Variants in FRS2 observed in about 807,000 individuals in gnomAD.
FRS2 encodes fibroblast growth factor receptor substrate 2.
A neutral mutation model predicts 43.9 loss-of-function variants in FRS2; 8 were observed. The observed-to-expected ratio is 0.18, with a 90% CI of 0.11 to 0.33. The LOEUF is 0.33. FRS2 is among the 10% of genes least tolerant of loss of function. The pLI is 1.00. For missense variants in FRS2, 534 were observed against 627.6 expected, an observed-to-expected ratio of 0.85 and a Z score of 1.59; for synonymous variants, 219 against 220.3, an observed-to-expected ratio of 0.99 and a Z score of 0.05.
At chr12:69,529,452 C>T (rs746881957) in intron 1 of FRS2, among the ~76,000 whole-genome samples, 8 of 151,682 alleles carry the variant, frequency 5.3e-5, no homozygotes, top group African/African-American at 7.3e-5. Flanking sequence ...GGTGAAACCT[C>T]GTCTCTACTA....
chr12:69,548,067 G>A (rs115591976), intron 3 of FRS2, among the ~76,000 whole-genome samples: 2,306 of 151,928 alleles, frequency 0.015, 62 homozygotes, highest in African/African-American at 0.052. Context: ...TGCCCAGGCT[G>A]GTCTTAAACT....
chr12:69,572,563 A>G (rs969914229), intron 8 of FRS2, among the ~76,000 whole-genome samples: 2 of 152,176 alleles, frequency 1.3e-5, no homozygotes, highest in Admixed American at 1.3e-4. Context: ...CCATTATAAG[A>G]ATGTCCAATG....
chr12:69,511,682 A>G (rs949123330), intron 1 of FRS2, among the ~76,000 whole-genome samples: 2 of 152,132 alleles, frequency 1.3e-5, no homozygotes, highest in African/African-American at 4.8e-5. Context: ...TAAACTGCTC[A>G]TATCCGTGTT....
At chr12:69,484,285 C>T (rs1402836945) in intron 1 of FRS2, among the ~76,000 whole-genome samples, 1 of 152,046 alleles carries the variant, frequency 6.6e-6, no homozygotes, top group Non-Finnish European at 1.5e-5. Context: ...GGGGTTTCAC[C>T]ATGTTAGCCA....
chr12:69,477,258 A>G (rs1011175794), intron 1 of FRS2, among the ~76,000 whole-genome samples: 1 of 149,070 alleles, frequency 6.7e-6, no homozygotes, highest in Non-Finnish European at 1.5e-5. Flanking sequence ...GCATGTCGAC[A>G]GTATTTTAAA....
chr12:69,488,690 T>G (rs1872180748), intron 1 of FRS2, among the ~76,000 whole-genome samples: 1 of 152,224 alleles, frequency 6.6e-6, no homozygotes, highest in Non-Finnish European at 1.5e-5. Context: ...CCATAATAAC[T>G]TTAAAAAATA....
At chr12:69,555,953 G>C (rs2135753139) in intron 3 of FRS2, among the ~76,000 whole-genome samples, 1 of 151,588 alleles carries the variant, frequency 6.6e-6, no homozygotes, top group South Asian at 2.1e-4. Context: ...GTTTGTTTTG[G>C]GGGTTATAGT....
At chr12:69,551,816 C>G (rs1878895702) in intron 3 of FRS2, among the ~76,000 whole-genome samples, 1 of 152,076 alleles carries the variant, frequency 6.6e-6, no homozygotes, top group South Asian at 2.1e-4. Flanking sequence ...AAAGATGGTC[C>G]AAACAACTTT....
chr12:69,570,997 G>T (rs1213543431), intron 6 of FRS2, among the ~76,000 whole-genome samples: 1 of 152,174 alleles, frequency 6.6e-6, no homozygotes, highest in East Asian at 1.9e-4. Flanking sequence ...GGCTCCCCCT[G>T]CTGTTAAGAA....
At chr12:69,572,050 G>A (rs186401509) in intron 7 of FRS2, 68 bp from the exon 8 acceptor site, 5 of 1,226,768 alleles carry the variant, frequency 4.1e-6, no homozygotes, top group South Asian at 2.7e-5. Context: ...GTACAGATTC[G>A]ATTCTTACTC....
chr12:69,557,635 CGCAGGTGCAT>C (rs1157628840), intron 3 of FRS2, among the ~76,000 whole-genome samples: 1 of 135,556 alleles, frequency 7.4e-6, no homozygotes, highest in Admixed American at 7.1e-5. Context: ...CGCGCGCGCG[CGCAGGTGCAT>C]GCACGCTAGG....
At chr12:69,520,376 G>GTTT (rs112572825) in intron 1 of FRS2, among the ~76,000 whole-genome samples, 1,953 of 110,002 alleles carry the variant, frequency 0.018, 47 homozygotes, top group Non-Finnish European at 0.028. Context: ...TCTATTATTA[G>GTTT]TTTTTTTTTT....
intron 1 of FRS2, among the ~76,000 whole-genome samples, chr12:69,478,395 T>TTTTTAATTGAATTTAA: frequency 6.6e-6 from 1 of 152,262 alleles, no homozygotes; most frequent in Non-Finnish European, 1.5e-5. Flanking sequence ...GAGAACTAAA[T>TTTTTAATTGAATTTAA]TTTTAATTGA....
At chr12:69,545,327 A>G (rs1283944894) in intron 3 of FRS2, among the ~76,000 whole-genome samples, 1 of 152,206 alleles carries the variant, frequency 6.6e-6, no homozygotes, top group Non-Finnish European at 1.5e-5. Flanking sequence ...AATAGCTAAA[A>G]CAATCTTGAA....
intron 3 of FRS2, 128 bp from the exon 4 acceptor site, chr12:69,562,052 T>C (rs1565776271): frequency 2.6e-6 from 1 of 389,804 alleles, no homozygotes; most frequent in South Asian, 1.4e-4. Flanking sequence ...AAATACTTTT[T>C]ATTCAATCTT....
At chr12:69,550,121 G>A (rs1490319879) in intron 3 of FRS2, among the ~76,000 whole-genome samples, 1 of 152,134 alleles carries the variant, frequency 6.6e-6, no homozygotes, top group African/African-American at 2.4e-5. Flanking sequence ...ATTCAAAACT[G>A]AGCTTATGTT....
At chr12:69,562,302 A>G in intron 4 of FRS2, 28 bp downstream of exon 4, 2 of 398,274 alleles carry the variant, frequency 5.0e-6, no homozygotes, top group Middle Eastern at 1.3e-3. Flanking sequence ...TATGTTTTAC[A>G]TCACTAAGCC....
rs71094720 is a variant in FRS2, at chr12:69,536,101, C to CTTTTTT, written c.-122+4080_-122+4085dup. Among the ~76,000 whole-genome samples the CTTTTTT allele has an allele frequency of 2.7e-4, 10 of 37,202 alleles. 1 individual carries two copies. Among genetic ancestry groups the CTTTTTT allele is most frequent in the Non-Finnish European group, 3.7e-4 (7 of 18,808 alleles). 24.4% of individuals were successfully genotyped at this position (37,202 alleles called of 152,430 possible). A position where few individuals can be genotyped will look rare whatever the true frequency, so the allele number is the denominator to read the frequency against. On this transcript the variant is annotated intron_variant, in intron 3 of 8. Coordinates refer to ENST00000549921, the MANE Select transcript of FRS2 (RefSeq NM_001278356.2). ...TTTTGGTTACTGTAGTATTTTCATT[C>CTTTTTT]TTTTTTTTTTTTTTTTTTTTTTTTT...
chr12:69,549,269 T>C (rs1294301471), intron 3 of FRS2, among the ~76,000 whole-genome samples: 1 of 152,182 alleles, frequency 6.6e-6, no homozygotes, highest in Non-Finnish European at 1.5e-5. Flanking sequence ...CTTTTTTATG[T>C]GTTTTACTTA....
Sources: gnomAD v4.1 joint callset for allele counts (sites outside exome capture counted in the v4.1 genomes callset) on GRCh38, gnomAD v4.1.1 for gene constraint, MANE v1.5 for transcripts, NCBI Gene and HGNC (gene_info 2026-07-23, HGNC 2026-07-21) for gene names.